Variants in BCO2 observed in about 807,000 individuals in gnomAD.
The protein encoded by BCO2 is beta-carotene oxygenase 2, also known as carotenoid-cleaving dioxygenase, mitochondrial.
A neutral mutation model predicts 65.8 loss-of-function variants in BCO2; 56 were observed. The ratio of observed to expected loss-of-function variants is 0.85; its 90% confidence interval spans 0.69 to 1.06. BCO2 has a LOEUF of 1.06. BCO2 is among the 50% of genes least tolerant of loss of function. The probability of loss-of-function intolerance (pLI) is 0.00; values close to 1 mark genes in which losing one functional copy is unlikely to be tolerated. For missense variants in BCO2, 675 were observed against 698.5 expected (o/e 0.97, Z 0.38); for synonymous variants, 233 against 242.3 (o/e 0.96, Z 0.36).
At chr11:112,196,687 A>C (rs2135374407) in intron 5 of BCO2, among the ~76,000 whole-genome samples, 1 of 152,290 alleles carries the variant, frequency 6.6e-6, no homozygotes, top group East Asian at 1.9e-4. Flanking sequence ...AGACCTCCCA[A>C]GTATTTTATA....
At chr11:112,216,915 T>A (rs950630302) in intron 11 of BCO2, among the ~76,000 whole-genome samples, 1 of 152,210 alleles carries the variant, frequency 6.6e-6, no homozygotes, top group East Asian at 1.9e-4. Context: ...TCTGAGGCCT[T>A]TTAAGGGTTC....
intron 8 of BCO2, among the ~76,000 whole-genome samples, chr11:112,213,523 T>G (rs373539788): frequency 6.6e-6 from 1 of 152,330 alleles, no homozygotes; most frequent in East Asian, 1.9e-4. Context: ...AAGACTTTGC[T>G]TTATTCATGA....
intron 7 of BCO2, among the ~76,000 whole-genome samples, chr11:112,201,240 C>T (rs1468452643): frequency 1.3e-5 from 2 of 151,982 alleles, no homozygotes; most frequent in African/African-American, 2.4e-5. Context: ...CTCCACCTCC[C>T]GGGTTCAAGT....
At chr11:112,194,209 T>G in intron 4 of BCO2, 1 of 509,430 alleles carries the variant, frequency 2.0e-6, no homozygotes, top group Non-Finnish European at 3.5e-6. Flanking sequence ...TTAGTCCTAA[T>G]ATCTGAAGGC....
chr11:112,176,162 C>G (rs892878429), intron 1 of BCO2: 4 of 155,058 alleles, frequency 2.6e-5, no homozygotes, highest in African/African-American at 7.2e-5. Context: ...TTTCAGAAAT[C>G]ATACTAATAT....
chr11:112,214,375 C>T (rs1217694737), intron 9 of BCO2, among the ~76,000 whole-genome samples: 1 of 152,094 alleles, frequency 6.6e-6, no homozygotes, highest in African/African-American at 2.4e-5. Flanking sequence ...TCTCGAACTC[C>T]TGACCTCAGG....
intron 1 of BCO2, chr11:112,176,528 G>GGGGGGGA (rs71060227): frequency 1.2e-5 from 1 of 81,126 alleles, no homozygotes. Context: ...GGGGGGGGGG[G>GGGGGGGA]AATTAAACAT....
At chr11:112,189,193 C>G (rs1258158342) in intron 2 of BCO2, among the ~76,000 whole-genome samples, 2 of 151,904 alleles carry the variant, frequency 1.3e-5, no homozygotes, top group Non-Finnish European at 2.9e-5. Flanking sequence ...AAGCAGATTA[C>G]CAAAATTGAT....
intron 4 of BCO2, chr11:112,194,386 T>C (rs1381467604): frequency 2.3e-6 from 1 of 442,340 alleles, no homozygotes; most frequent in African/African-American, 2.1e-5. Flanking sequence ...TTAATTCTTA[T>C]GCTTCTTTTG....
chr11:112,204,664 T>C (rs1044493390), intron 8 of BCO2, among the ~76,000 whole-genome samples: 3 of 152,172 alleles, frequency 2.0e-5, no homozygotes, highest in Non-Finnish European at 4.4e-5. Flanking sequence ...TTATGACTTT[T>C]AGTAGCATTT....
intron 4 of BCO2, 92 bp downstream of exon 4, chr11:112,194,086 A>G: frequency 1.3e-6 from 1 of 757,296 alleles, no homozygotes; most frequent in Non-Finnish European, 2.2e-6. Flanking sequence ...TCAAGAAGAA[A>G]TTGAAGCCTT....
intron 1 of BCO2, among the ~76,000 whole-genome samples, chr11:112,176,748 A>C (rs1316399258): frequency 6.6e-6 from 1 of 152,218 alleles, no homozygotes; most frequent in Non-Finnish European, 1.5e-5. Flanking sequence ...GACAACAGAC[A>C]TAAACAGGAA....
At chr11:112,211,902 G>T (rs1389886711) in intron 8 of BCO2, among the ~76,000 whole-genome samples, 1 of 152,130 alleles carries the variant, frequency 6.6e-6, no homozygotes, top group East Asian at 1.9e-4. Context: ...TTTCAATGGG[G>T]TAGTTGATCC....
At chr11:112,180,315 A>G (rs1866999865) in intron 2 of BCO2, among the ~76,000 whole-genome samples, 1 of 152,188 alleles carries the variant, frequency 6.6e-6, no homozygotes, top group African/African-American at 2.4e-5. Context: ...TGTGGAATAT[A>G]TGGATATGGA....
Position 112,180,890 on chromosome 11 carries a change from A to G in BCO2, c.293+1408A>G. ...CAGCAGTAAACTCGGCATAAAAGCCACCAGTGTGTATAATGGGAAAGGTGG... is the reference window on the plus strand; with the variant it reads ...CAGCAGTAAACTCGGCATAAAAGCCGCCAGTGTGTATAATGGGAAAGGTGG... On this transcript the variant is annotated intron_variant, in intron 2 of 11. Transcript: ENST00000357685. 4 of 1,081,296 alleles carry G rather than the reference A, an allele frequency of 3.7e-6. No individual in the cohort carries two copies. The South Asian group carries it at 5.0e-5, about 13-fold the overall frequency. 67.0% of individuals were successfully genotyped at this position (1,081,296 alleles called of 1,614,324 possible). A position where few individuals can be genotyped will look rare whatever the true frequency, so the allele number is the denominator to read the frequency against.
chr11:112,181,984 A>T, intron 2 of BCO2: 1 of 477,738 alleles, frequency 2.1e-6, no homozygotes, highest in Non-Finnish European at 3.8e-6. Context: ...AGAATCTACA[A>T]AGAACTTAAA....
intron 2 of BCO2, chr11:112,181,716 A>G: frequency 1.0e-6 from 1 of 964,554 alleles, no homozygotes; most frequent in East Asian, 2.4e-5. Context: ...AGCAACTCCA[A>G]CCAAGTCAGA....
intron 2 of BCO2, among the ~76,000 whole-genome samples, chr11:112,186,633 C>G (rs1051184454): frequency 1.3e-5 from 2 of 152,142 alleles, no homozygotes; most frequent in African/African-American, 2.4e-5. Context: ...TGATGACATG[C>G]CAAAGGTCTA....
At chr11:112,217,118 T>C (rs1403003396) in intron 11 of BCO2, among the ~76,000 whole-genome samples, 1 of 152,346 alleles carries the variant, frequency 6.6e-6, no homozygotes, top group Non-Finnish European at 1.5e-5. Flanking sequence ...AGTTTCTGTC[T>C]TTTAGAAGAT....
Sources: allele counts gnomAD v4.1 joint callset (sites outside exome capture counted in the v4.1 genomes callset), GRCh38; gene constraint gnomAD v4.1.1; transcripts MANE v1.5; gene names NCBI Gene and HGNC (gene_info 2026-07-23, HGNC 2026-07-21).